Variants in DGKB observed in about 807,000 individuals in gnomAD.
DGKB encodes diacylglycerol kinase beta.
A neutral mutation model predicts 114.3 loss-of-function variants in DGKB; 67 were observed. That is an observed-to-expected ratio of 0.59 (90% confidence interval 0.48 to 0.72). The LOEUF is 0.72. DGKB is among the 30% of genes least tolerant of loss of function. The probability of loss-of-function intolerance (pLI) is 0.00; values close to 1 mark genes in which losing one functional copy is unlikely to be tolerated. For synonymous variants in DGKB, 398 were observed against 323.1 expected, an observed-to-expected ratio of 1.23 and a Z score of -2.49; for missense variants, 907 against 975.2, an observed-to-expected ratio of 0.93 and a Z score of 0.93.
At position 14,737,283 on chromosome 7, in the gene DGKB, ATTT is replaced by A. The variant is rs11348925; in HGVS notation, c.169-1092_169-1090del. On this transcript the variant is annotated intron_variant, in intron 4 of 25. Coordinates refer to ENST00000402815, the MANE Select transcript of DGKB (RefSeq NM_001350709.2). Reference sequence around the variant, plus strand: ...CTTTATAGGTAGCCCTTGAAGGCCAATTTTTTTTTTTTTTTTTTTTTTTTTTTT... The same window carrying A: ...CTTTATAGGTAGCCCTTGAAGGCCAATTTTTTTTTTTTTTTTTTTTTTTTT... Among the ~76,000 whole-genome samples, 797 of 82,512 alleles carry A rather than the reference ATTT, an allele frequency of 9.7e-3. 7 individuals carry two copies. The highest frequency in any genetic ancestry group is 0.032 in the African/African-American group (737 of 23,194). 54.1% of individuals were successfully genotyped at this position (82,512 alleles called of 152,430 possible).
chr7:14,407,837 G>C (rs1332971830), intron 21 of DGKB, among the ~76,000 whole-genome samples: 2 of 151,980 alleles, frequency 1.3e-5, no homozygotes, highest in Non-Finnish European at 2.9e-5. Flanking sequence ...AGTCAACAGA[G>C]ATCAGCAACA....
At chr7:14,554,738 A>C (rs942373448) in intron 20 of DGKB, among the ~76,000 whole-genome samples, 4 of 152,138 alleles carry the variant, frequency 2.6e-5, no homozygotes, top group African/African-American at 9.7e-5. Flanking sequence ...GAACAATTTG[A>C]AAGGCAAAAT....
Position 14,838,065 on chromosome 7 carries a change from T to C in DGKB, c.70+3129A>G, listed in dbSNP as rs554172749. Among the ~76,000 whole-genome samples the C allele has an allele frequency of 3.3e-4, 50 of 152,314 alleles. 1 individual carries two copies. Among genetic ancestry groups the C allele is most frequent in the Non-Finnish European group, 1.0e-4 (7 of 67,988 alleles). ...ATACTACCAATTTACTGAACAACCA[T>C]TGATCTTTGTCTCAGTATATTATGG... On this transcript the variant is annotated intron_variant, in intron 2 of 25. Transcript: ENST00000402815.
At chr7:14,543,754 T>A (rs1375956387) in intron 20 of DGKB, among the ~76,000 whole-genome samples, 1 of 152,170 alleles carries the variant, frequency 6.6e-6, no homozygotes, top group East Asian at 1.9e-4. Flanking sequence ...TGGCCACAAA[T>A]TTAAAAATCA....
At chr7:14,910,323 A>G (rs541403353) in intron 1 of DGKB, among the ~76,000 whole-genome samples, 181 of 151,486 alleles carry the variant, frequency 1.2e-3, no homozygotes, top group Non-Finnish European at 2.3e-3. Flanking sequence ...AGAACCTTAT[A>G]TATTAGGAGA....
intron 2 of DGKB, among the ~76,000 whole-genome samples, chr7:14,813,921 A>T (rs1257811559): frequency 6.6e-6 from 1 of 152,142 alleles, no homozygotes; most frequent in Non-Finnish European, 1.5e-5. Flanking sequence ...AATTTTGAAA[A>T]TTTCTATTCT....
intron 1 of DGKB, among the ~76,000 whole-genome samples, chr7:14,957,412 T>C (rs1428285114): frequency 6.6e-6 from 1 of 151,998 alleles, no homozygotes; most frequent in Admixed American, 6.6e-5. Context: ...TAGCCAACTA[T>C]AATACAAAGC....
At chr7:14,802,038 T>C (rs1842244188) in intron 2 of DGKB, among the ~76,000 whole-genome samples, 2 of 152,082 alleles carry the variant, frequency 1.3e-5, no homozygotes, top group African/African-American at 4.8e-5. Flanking sequence ...TATATGCTAC[T>C]GGCTCAGTTT....
intron 5 of DGKB, among the ~76,000 whole-genome samples, chr7:14,729,269 CCTG>C (rs1314969261): frequency 1.0e-4 from 15 of 147,370 alleles, no homozygotes; most frequent in Admixed American, 2.0e-4. Flanking sequence ...ACTACAGGCG[CCTG>C]CCACCACATC....
chr7:14,472,795 G>C (rs1424885891), intron 21 of DGKB, among the ~76,000 whole-genome samples: 2 of 152,118 alleles, frequency 1.3e-5, no homozygotes, highest in African/African-American at 4.8e-5. Context: ...AAGATGACTT[G>C]TTATGTTTTA....
intron 23 of DGKB, among the ~76,000 whole-genome samples, chr7:14,197,726 A>G (rs374519789): frequency 1.3e-5 from 2 of 152,260 alleles, no homozygotes; most frequent in African/African-American, 4.8e-5. Flanking sequence ...ATGCGTATGA[A>G]CTTCATTGGA....
intron 1 of DGKB, among the ~76,000 whole-genome samples, chr7:14,923,851 C>T (rs1784622295): frequency 6.6e-6 from 1 of 151,674 alleles, no homozygotes. Context: ...AAAAATTAGC[C>T]GGGTGTGGTG....
intron 1 of DGKB, among the ~76,000 whole-genome samples, chr7:14,947,088 T>A (rs892398462): frequency 1.3e-5 from 2 of 151,584 alleles, no homozygotes; most frequent in Non-Finnish European, 3.0e-5. Flanking sequence ...AAAAAAGAAA[T>A]CAATATTTAT....
At chr7:14,538,036 T>C (rs1000396964) in intron 20 of DGKB, among the ~76,000 whole-genome samples, 2 of 137,054 alleles carry the variant, frequency 1.5e-5, no homozygotes, top group African/African-American at 5.5e-5. Flanking sequence ...GCTGAGATCA[T>C]GCGTTTGCTG....
chr7:14,197,875 A>T (rs1785251702), intron 23 of DGKB, among the ~76,000 whole-genome samples: 1 of 152,114 alleles, frequency 6.6e-6, no homozygotes, highest in Non-Finnish European at 1.5e-5. Context: ...ATATTGAGCA[A>T]ATGCTACAAA....
At chr7:14,181,634 T>C (rs192367132) in intron 23 of DGKB, among the ~76,000 whole-genome samples, 2 of 152,346 alleles carry the variant, frequency 1.3e-5, no homozygotes, top group Non-Finnish European at 2.9e-5. Context: ...AGGCAGAAGT[T>C]GCAACCAGAC....
intron 2 of DGKB, among the ~76,000 whole-genome samples, chr7:14,759,027 C>T (rs531510100): frequency 5.6e-4 from 86 of 152,216 alleles, no homozygotes; most frequent in African/African-American, 2.0e-3. Flanking sequence ...TGGGTTCAAC[C>T]GGTTCTCCTG....
intron 21 of DGKB, among the ~76,000 whole-genome samples, chr7:14,412,443 G>T (rs747091957): frequency 1.8e-4 from 27 of 152,154 alleles, no homozygotes; most frequent in Non-Finnish European, 2.9e-4. Context: ...ACTGAAATCT[G>T]CAAAAAGTGC....
chr7:14,577,549 G>A (rs1441171887), intron 19 of DGKB, among the ~76,000 whole-genome samples: 2 of 152,018 alleles, frequency 1.3e-5, no homozygotes, highest in South Asian at 4.2e-4. Flanking sequence ...CCCGGGGGGC[G>A]GAGCCTGCAG....
Sources: allele counts gnomAD v4.1 joint callset (sites outside exome capture counted in the v4.1 genomes callset), GRCh38; gene constraint gnomAD v4.1.1; transcripts MANE v1.5; gene names NCBI Gene and HGNC (gene_info 2026-07-23, HGNC 2026-07-21).